The following PHACTR4 variants were observed in gnomAD, a reference collection of about 807,000 sequenced individuals.
The protein encoded by PHACTR4 is protein phosphatase 1, regulatory subunit 124.
PHACTR4 carries 51 observed loss-of-function variants against 72.7 expected under a neutral mutation model. The observed-to-expected ratio is 0.70, with a 90% confidence interval of 0.56 to 0.89. The LOEUF (loss-of-function observed/expected upper bound fraction) is 0.89. Among genes scored for constraint, PHACTR4 ranks in the 40% least tolerant of loss-of-function variants. PHACTR4 has a pLI of 0.00. For missense variants in PHACTR4, 731 were observed against 861.8 expected, an observed-to-expected ratio of 0.85 and a Z score of 1.90; for synonymous variants, 255 against 302.5, an observed-to-expected ratio of 0.84 and a Z score of 1.63.
chr1:28,461,189 C>A (rs1490271568), intron 4 of PHACTR4, among the ~76,000 whole-genome samples: 1 of 152,000 alleles, frequency 6.6e-6, no homozygotes, highest in African/African-American at 2.4e-5. Flanking sequence ...CCTGTAATCC[C>A]AGTATTTTAG....
intron 6 of PHACTR4, among the ~76,000 whole-genome samples, chr1:28,472,373 CCT>C (rs1659617523): frequency 6.6e-6 from 1 of 152,042 alleles, no homozygotes. Context: ...TATTTTTTCC[CCT>C]GTCACCTCAG....
Position 28,407,417 on chromosome 1 carries a change from A to G in PHACTR4, c.-31A>G, listed in dbSNP as rs758575945. On this transcript the variant is annotated 5_prime_UTR_variant, in exon 2 of 14. Transcript: ENST00000373839. The stretch of plus-strand genomic sequence containing the variant: ...ACCTTTTTCTCTTTTTAGAAACAGT[A>G]TCTCACCTCCCTAAACTGGTTAATA... The G allele has an allele frequency of 1.9e-6, 3 of 1,587,220 alleles. No homozygotes were observed. The highest frequency in any genetic ancestry group is 3.4e-5 in the Admixed American group (2 of 58,904).
chr1:28,472,518 A>G lies in PHACTR4; in HGVS notation c.824-1036A>G, dbSNP rs1257081975. ...CACAGAGCTAAGATATCTAGATACC[A>G]TTATCAGGATATGGTAACAATACCC... On this transcript the variant is annotated intron_variant, in intron 6 of 13. Transcript: ENST00000373839. 3.3e-5 allele frequency among the ~76,000 whole-genome samples: 5 copies of G among 152,298 alleles called. No homozygotes were observed. In the East Asian group the frequency reaches 9.6e-4, roughly 29 times the overall value.
At chr1:28,401,772 A>G (rs1217836046) in intron 1 of PHACTR4, among the ~76,000 whole-genome samples, 1 of 152,006 alleles carries the variant, frequency 6.6e-6, no homozygotes, top group Non-Finnish European at 1.5e-5. Flanking sequence ...CTAATTTTTA[A>G]ATTTTTTTAG....
chr1:28,466,632 A>G lies in PHACTR4; in HGVS notation c.687A>G (p.Pro229=). The part of the protein sequence containing the change: ...KTVNLSVTPS[P]APRTLPAAPA... ...TTAATCTCTCTGTCACCCCTTCCCC[A>G]GCACCCAGGACTCTGCCTGCTGCTC... The change falls in exon 6 of 14, where the codon CCA becomes CCG. Residue 229 remains proline, a synonymous_variant. Coordinates refer to ENST00000373839, the MANE Select transcript of PHACTR4 (RefSeq NM_001048183.3). 1 of 1,613,896 alleles carries G rather than the reference A, an allele frequency of 6.2e-7. No individual in the cohort carries two copies.
At chr1:28,438,343 C>T (rs763210207) in intron 2 of PHACTR4, 30 of 1,594,650 alleles carry the variant, frequency 1.9e-5, no homozygotes, top group African/African-American at 9.5e-5. Context: ...TGCTTTTGTC[C>T]GGGACAGTTT....
intron 1 of PHACTR4, among the ~76,000 whole-genome samples, chr1:28,382,307 A>ATT (rs963720991): frequency 4.2e-5 from 6 of 144,162 alleles, no homozygotes; most frequent in African/African-American, 1.3e-4. Context: ...CTGTCATGAA[A>ATT]TTTTTTTTTT....
At chr1:28,438,935 T>G (rs993799163) in intron 2 of PHACTR4, among the ~76,000 whole-genome samples, 1 of 152,224 alleles carries the variant, frequency 6.6e-6, no homozygotes, top group Non-Finnish European at 1.5e-5. Flanking sequence ...TTCTCTTAAG[T>G]CAACACTTTG....
At chr1:28,483,780 CAG>C (rs1199916828) in intron 9 of PHACTR4, among the ~76,000 whole-genome samples, 4 of 115,224 alleles carry the variant, frequency 3.5e-5, no homozygotes, top group Non-Finnish European at 6.5e-5. Flanking sequence ...GCCTGGGTGA[CAG>C]AGCAAGACTC....
At chr1:28,417,283 C>A (rs990773768) in intron 2 of PHACTR4, among the ~76,000 whole-genome samples, 1 of 152,136 alleles carries the variant, frequency 6.6e-6, no homozygotes, top group African/African-American at 2.4e-5. Context: ...TCCCTGAAAT[C>A]ATGGATAATA....
At chr1:28,480,330 G>T in intron 8 of PHACTR4, 121 bp from the exon 9 acceptor site, 1 of 1,154,634 alleles carries the variant, frequency 8.7e-7, no homozygotes. Flanking sequence ...ATCATTTGAG[G>T]CCAGGTGGGA....
intron 9 of PHACTR4, among the ~76,000 whole-genome samples, chr1:28,484,738 C>A (rs1203531080): frequency 6.6e-6 from 1 of 151,318 alleles, no homozygotes; most frequent in African/African-American, 2.4e-5. Flanking sequence ...GAGGCCGAGG[C>A]GGGTGGATCA....
intron 4 of PHACTR4, 141 bp downstream of exon 4, chr1:28,460,433 C>T: frequency 1.7e-6 from 1 of 593,354 alleles, no homozygotes; most frequent in East Asian, 2.9e-5. Context: ...AAAAAGTTCA[C>T]CCTTCCTTCC....
At chr1:28,458,108 T>TTGTGTGTGTGTGTG (rs539564108) in intron 2 of PHACTR4, among the ~76,000 whole-genome samples, 2 of 120,292 alleles carry the variant, frequency 1.7e-5, no homozygotes, top group South Asian at 2.6e-4. Context: ...GTGTGTGTGT[T>TTGTGTGTGTGTGTG]TGTGTGTGTG....
intron 2 of PHACTR4, among the ~76,000 whole-genome samples, chr1:28,409,165 C>A (rs1216934268): frequency 6.8e-6 from 1 of 147,968 alleles, no homozygotes; most frequent in Non-Finnish European, 1.5e-5. Flanking sequence ...CACTGTGTTG[C>A]CCAGGCTGGA....
At position 28,493,179 on chromosome 1, in the gene PHACTR4, A is replaced by G. The variant is rs1661143643; in HGVS notation, c.2093+88A>G. Reference sequence around the variant, plus strand: ...TATGAAGGGCTCTAATGACATCAGTAAAAAGGAAAACACTCAGTGTTGATT... The same window carrying G: ...TATGAAGGGCTCTAATGACATCAGTGAAAAGGAAAACACTCAGTGTTGATT... On this transcript the variant is annotated intron_variant, in intron 13 of 13. Transcript: ENST00000373839. The G allele has an allele frequency of 3.6e-6, 4 of 1,107,446 alleles. No individual in the cohort carries two copies. In the East Asian group the frequency reaches 9.4e-5, roughly 26 times the overall value. 68.6% of individuals were successfully genotyped at this position (1,107,446 alleles called of 1,614,324 possible).
intron 2 of PHACTR4, among the ~76,000 whole-genome samples, chr1:28,441,739 A>G (rs1240191839): frequency 6.6e-6 from 1 of 152,232 alleles, no homozygotes; most frequent in Non-Finnish European, 1.5e-5. Flanking sequence ...TCGTGTCTAT[A>G]ATCCCAGCAC....
At chr1:28,424,976 T>C (rs1017956598) in intron 2 of PHACTR4, among the ~76,000 whole-genome samples, 1 of 151,908 alleles carries the variant, frequency 6.6e-6, no homozygotes, top group Non-Finnish European at 1.5e-5. Context: ...GTATTTTTAG[T>C]AGAGATGGCA....
chr1:28,380,001 A>G (rs1029037074), intron 1 of PHACTR4, among the ~76,000 whole-genome samples: 14 of 149,780 alleles, frequency 9.3e-5, no homozygotes, highest in Admixed American at 8.7e-4. Flanking sequence ...TGGACAGACT[A>G]ATTTAGATGT....
Sources: gnomAD v4.1 joint callset for allele counts (sites outside exome capture counted in the v4.1 genomes callset) on GRCh38, gnomAD v4.1.1 for gene constraint, MANE v1.5 for transcripts, NCBI Gene and HGNC (gene_info 2026-07-23, HGNC 2026-07-21) for gene names.